Variants in KCNMA1 observed in about 807,000 individuals in gnomAD.
KCNMA1 encodes the protein Calcium-activated potassium channel subunit alpha-1.
A neutral mutation model predicts 140.0 loss-of-function variants in KCNMA1; 29 were observed. The ratio of observed to expected loss-of-function variants is 0.21; its 90% CI spans 0.15 to 0.28. The LOEUF (loss-of-function observed/expected upper bound fraction) is 0.28, where lower values mean the gene tolerates loss of function less well. Among genes scored for constraint, KCNMA1 ranks in the 10% least tolerant of loss-of-function variants. The pLI, the probability that KCNMA1 is intolerant of heterozygous loss-of-function variation, is 1.00. For missense variants in KCNMA1, 880 were observed against 1,602.2 expected (o/e 0.55, Z 7.70); for synonymous variants, 612 against 611.9 (o/e 1.00, Z 0.00).
At chr10:77,455,831 C>G (rs697172) in intron 1 of KCNMA1, among the ~76,000 whole-genome samples, 25,248 of 152,208 alleles carry the variant, frequency 0.17, 2,243 homozygotes, top group Admixed American at 0.21. Context: ...AGCTGGCCAG[C>G]CCATTCATTT....
intron 1 of KCNMA1, among the ~76,000 whole-genome samples, chr10:77,492,494 T>A (rs1458541749): frequency 6.6e-6 from 1 of 152,230 alleles, no homozygotes; most frequent in Non-Finnish European, 1.5e-5. Flanking sequence ...AAGCCCTTAA[T>A]GAAGTTCAGG....
In KCNMA1 at chr10:77,021,262, C is replaced by T. The variant is rs188076902; in HGVS notation, c.1929-2163G>A. Among the ~76,000 whole-genome samples the T allele has an allele frequency of 3.3e-3, 495 of 152,182 alleles. 1 individual carries two copies. Among genetic ancestry groups the T allele is most frequent in the Non-Finnish European group, 4.9e-3 (336 of 68,006 alleles). On this transcript the variant is annotated intron_variant, in intron 16 of 27. Coordinates refer to ENST00000286628, the MANE Select transcript of KCNMA1 (RefSeq NM_001161352.2). Reference sequence around the variant, plus strand: ...TTCTCATCTGTAAAATGGGTCCTGGCTTTGCAAATGCAGGTAAGCCTCACA... The same window carrying T: ...TTCTCATCTGTAAAATGGGTCCTGGTTTTGCAAATGCAGGTAAGCCTCACA...
At position 76,885,511 on chromosome 10, in the gene KCNMA1, A is replaced by G; in HGVS notation, c.*1755T>C. The stretch of plus-strand genomic sequence containing the variant: ...ACACAGCAAGCAAATATCCAAAACT[A>G]TCATGCTTGAGGGGACGGGGGATCC... On this transcript the variant is annotated 3_prime_UTR_variant, in exon 28 of 28. Coordinates refer to ENST00000286628, the MANE Select transcript of KCNMA1 (RefSeq NM_001161352.2). 1 of 985,302 alleles carries G rather than the reference A, an allele frequency of 1.0e-6. No homozygotes were observed. The highest frequency in any genetic ancestry group is 1.2e-6 in the Non-Finnish European group (1 of 829,922). 61.0% of individuals were successfully genotyped at this position (985,302 alleles called of 1,614,324 possible).
chr10:76,972,427 G>A (rs1340731094), intron 19 of KCNMA1, among the ~76,000 whole-genome samples: 1 of 152,176 alleles, frequency 6.6e-6, no homozygotes, highest in African/African-American at 2.4e-5. Flanking sequence ...ATTTTGCTGA[G>A]CATTGGCTTC....
At chr10:77,156,226 TTAAAAAAAA>T (rs1190498040) in intron 5 of KCNMA1, among the ~76,000 whole-genome samples, 2 of 49,056 alleles carry the variant, frequency 4.1e-5, no homozygotes, top group South Asian at 7.7e-4. Context: ...AGACTCCATC[TTAAAAAAAA>T]AAAAAAAAAA....
At chr10:76,919,790 A>G (rs2054553167) in intron 23 of KCNMA1, among the ~76,000 whole-genome samples, 1 of 151,934 alleles carries the variant, frequency 6.6e-6, no homozygotes, top group Non-Finnish European at 1.5e-5. Flanking sequence ...CATTTAGTAC[A>G]ATATCTGGTA....
At chr10:77,418,669 A>C (rs1455811148) in intron 1 of KCNMA1, among the ~76,000 whole-genome samples, 1 of 152,226 alleles carries the variant, frequency 6.6e-6, no homozygotes, top group Non-Finnish European at 1.5e-5. Context: ...AAAAGAGCCA[A>C]GAGGAAGCCA....
intron 1 of KCNMA1, among the ~76,000 whole-genome samples, chr10:77,593,583 G>C (rs1034569983): frequency 1.3e-5 from 2 of 152,176 alleles, no homozygotes; most frequent in Non-Finnish European, 2.9e-5. Flanking sequence ...CATTTACAAA[G>C]CATTTTTATA....
intron 1 of KCNMA1, among the ~76,000 whole-genome samples, chr10:77,547,073 C>A (rs899379063): frequency 2.0e-5 from 3 of 152,170 alleles, no homozygotes; most frequent in East Asian, 3.9e-4. Context: ...ACACAGGAAC[C>A]CAGCCCAGCC....
chr10:77,163,929 C>T (rs1233027290), intron 5 of KCNMA1, among the ~76,000 whole-genome samples: 1 of 152,162 alleles, frequency 6.6e-6, no homozygotes, highest in Non-Finnish European at 1.5e-5. Context: ...ACACGGGAGA[C>T]ACTCAGGGCA....
chr10:77,575,493 C>A (rs896380991), intron 1 of KCNMA1, among the ~76,000 whole-genome samples: 6 of 152,190 alleles, frequency 3.9e-5, no homozygotes, highest in Admixed American at 3.9e-4. Context: ...CCTTTCTGGA[C>A]AGATGGAAGC....
intron 2 of KCNMA1, among the ~76,000 whole-genome samples, chr10:77,344,605 T>C (rs2091766326): frequency 6.6e-6 from 1 of 152,080 alleles, no homozygotes; most frequent in Admixed American, 6.5e-5. Flanking sequence ...TTGGGTAAAT[T>C]CCAAAGACTT....
intron 1 of KCNMA1, among the ~76,000 whole-genome samples, chr10:77,632,759 T>C (rs1460678875): frequency 6.6e-6 from 1 of 152,238 alleles, no homozygotes; most frequent in East Asian, 1.9e-4. Flanking sequence ...GAAAATAAAC[T>C]CAGCACTTCA....
intron 2 of KCNMA1, among the ~76,000 whole-genome samples, chr10:77,388,954 C>A (rs2095712792): frequency 6.6e-6 from 1 of 152,276 alleles, no homozygotes. Context: ...GGAAAACAAC[C>A]AGATAAACCC....
chr10:77,275,149 G>A lies in KCNMA1; in HGVS notation c.541-23893C>T, dbSNP rs1472747028. Among the ~76,000 whole-genome samples the A allele has an allele frequency of 3.9e-5, 6 of 152,272 alleles. No individual in the cohort carries two copies. The South Asian group carries it at 1.2e-3, about 32-fold the overall frequency. On this transcript the variant is annotated intron_variant, in intron 2 of 27. Coordinates refer to ENST00000286628, the MANE Select transcript of KCNMA1 (RefSeq NM_001161352.2). ...CACAGAAGGCAGATCCTTCTTATTT[G>A]GACAGCTTAGACCTCAGAGAGCCTA...
intron 1 of KCNMA1, among the ~76,000 whole-genome samples, chr10:77,405,002 C>G (rs2096422750): frequency 6.6e-6 from 1 of 152,208 alleles, no homozygotes; most frequent in South Asian, 2.1e-4. Flanking sequence ...AAATCTACAC[C>G]AGACCTTTCC....
At chr10:77,258,726 G>A (rs1456662969) in intron 2 of KCNMA1, among the ~76,000 whole-genome samples, 1 of 152,150 alleles carries the variant, frequency 6.6e-6, no homozygotes, top group Non-Finnish European at 1.5e-5. Flanking sequence ...ACTTTGGGAG[G>A]CTGAGGCGGG....
At chr10:77,232,211 G>C (rs1306871911) in intron 3 of KCNMA1, among the ~76,000 whole-genome samples, 1 of 152,176 alleles carries the variant, frequency 6.6e-6, no homozygotes, top group East Asian at 1.9e-4. Flanking sequence ...TTGTTTCGCT[G>C]TTATGAATGT....
intron 25 of KCNMA1, among the ~76,000 whole-genome samples, chr10:76,894,818 T>C (rs377192307): frequency 1.3e-5 from 2 of 152,234 alleles, no homozygotes. Context: ...CTGATGATAA[T>C]AACAAGAATT....
Sources: allele counts gnomAD v4.1 joint callset (sites outside exome capture counted in the v4.1 genomes callset), GRCh38; gene constraint gnomAD v4.1.1; transcripts MANE v1.5; gene names NCBI Gene and HGNC (gene_info 2026-07-23, HGNC 2026-07-21).